PSMD6: variants seen among roughly 807,000 people sequenced by gnomAD.
PSMD6 encodes the protein 26S proteasome non-ATPase regulatory subunit 6.
Under a neutral mutation model 44.9 loss-of-function variants are expected in PSMD6, and 7 were observed. The ratio of observed to expected loss-of-function variants is 0.16; its 90% CI spans 0.09 to 0.29. PSMD6 has a LOEUF of 0.29. PSMD6 is among the 10% of genes least tolerant of loss of function. PSMD6 has a pLI of 1.00. For missense variants in PSMD6, 420 were observed against 482.6 expected, an observed-to-expected ratio of 0.87 and a Z score of 1.21; for synonymous variants, 184 against 172.7, an observed-to-expected ratio of 1.07 and a Z score of -0.51.
intron 2 of PSMD6, 47 bp from the exon 3 acceptor site, chr3:64,019,488 C>CA (rs752445904): frequency 1.2e-5 from 18 of 1,562,850 alleles, no homozygotes; most frequent in African/African-American, 2.8e-5. Flanking sequence ...TACAAGTTTC[C>CA]AAAAAAAGCT....
At chr3:64,015,708 A>G (rs983154450) in intron 5 of PSMD6, 25 of 152,232 alleles carry the variant, frequency 1.6e-4, no homozygotes, top group African/African-American at 5.5e-4. Context: ...TTATCTCTGG[A>G]TAACAGTGCC....
rs763830203 is a variant in PSMD6, at chr3:64,010,663, T to C, written c.*5A>G. The C allele has an allele frequency of 3.2e-6, 5 of 1,558,910 alleles. No individual in the cohort carries two copies. The highest frequency in any genetic ancestry group is 4.4e-6 in the Non-Finnish European group (5 of 1,136,812). On this transcript the variant is annotated 3_prime_UTR_variant, in exon 8 of 8. Coordinates refer to ENST00000295901, the MANE Select transcript of PSMD6 (RefSeq NM_014814.3). ...TAAAGCAAATCCTTTGTTAGTTACA[T>C]GGCTTTACATATTAATTACTCTGGA...
chr3:64,011,815 G>T (rs2280162), intron 6 of PSMD6: 1 of 152,168 alleles, frequency 6.6e-6, no homozygotes, highest in Admixed American at 6.6e-5. Flanking sequence ...CTGAAGAGAC[G>T]TAACCTGACC....
intron 6 of PSMD6, chr3:64,012,633 T>C (rs1312750555): frequency 6.6e-6 from 1 of 152,138 alleles, no homozygotes; most frequent in Non-Finnish European, 1.5e-5. Flanking sequence ...CCTCAAAATC[T>C]CCTACCACTC....
chr3:64,020,198 G>GTT (rs2076108086), intron 2 of PSMD6, among the ~76,000 whole-genome samples: 3 of 152,156 alleles, frequency 2.0e-5, no homozygotes, highest in Non-Finnish European at 2.9e-5. Flanking sequence ...TGTCTTGACG[G>GTT]AGCCTCTGCT....
Position 64,023,333 on chromosome 3 carries a change from G to C in PSMD6, c.87C>G (p.Pro29=), listed in dbSNP as rs368083857. The C allele has an allele frequency of 5.0e-6, 8 of 1,605,400 alleles. No homozygotes were observed. Among genetic ancestry groups the C allele is most frequent in the East Asian group, 2.3e-5 (1 of 44,350 alleles). ...GCACGGCAGCGTCTCCGCGGTGCTC[G>C]GGCAGGCTGAGCAGGAAGCGCAGCT... ...IAQLRFLLSL[P]EHRGDAAVRD... is the part of the protein sequence containing the mutation. Residue 29 remains proline, a synonymous_variant, in exon 1 of 8, where the codon CCC becomes CCG. Transcript: ENST00000295901.
intron 5 of PSMD6, chr3:64,016,342 G>A (rs2076043856): frequency 6.6e-6 from 1 of 151,886 alleles, no homozygotes; most frequent in Admixed American, 6.6e-5. Context: ...ATTTATTTTT[G>A]ATTTCTAAAT....
rs2076089668 is a variant in PSMD6, at chr3:64,018,898, G to A, written c.637C>T (p.Leu213Phe). The part of the protein sequence containing the change: ...DTVSTFTSYE[L>F]MDYKTFVTYT... ...GTCACAAATGTTTTATAATCCATGA[G>A]TTCATAGGATGTAAATGTTGAAACA... Residue 213 changes from leucine (L) to phenylalanine (F), a missense_variant, in exon 4 of 8, where the codon CTC (leucine) becomes TTC (phenylalanine). Leu to Phe is a conservative substitution (Grantham distance 22, BLOSUM62 0). This residue lies in a region of PSMD6 where 216 missense variants were observed against 227.0 expected (regional missense o/e 0.95). Transcript: ENST00000295901. 3 of 1,597,542 alleles carry A rather than the reference G, an allele frequency of 1.9e-6. No individual in the cohort carries two copies. The highest frequency in any genetic ancestry group is 1.7e-6 in the Non-Finnish European group (2 of 1,165,016).
chr3:64,022,616 T>C (rs1382554438), intron 1 of PSMD6, 93 bp from the exon 2 acceptor site: 1 of 1,579,292 alleles, frequency 6.3e-7, no homozygotes, highest in Middle Eastern at 1.7e-4. Context: ...CCGCCACAAG[T>C]CATCCACCAG....
chr3:64,020,540 G>A (rs76847839), intron 2 of PSMD6, among the ~76,000 whole-genome samples: 2 of 152,102 alleles, frequency 1.3e-5, no homozygotes, highest in Non-Finnish European at 1.5e-5. Flanking sequence ...CAAACATACA[G>A]CTTAAAAGTA....
At chr3:64,010,979 A>C (rs1412135412) in intron 6 of PSMD6, 24 bp from the exon 7 acceptor site, 1 of 1,536,612 alleles carries the variant, frequency 6.5e-7, no homozygotes, top group African/African-American at 1.4e-5. Context: ...AAAAAATAAC[A>C]GAATTAGCTT....
intron 6 of PSMD6, chr3:64,012,869 CGTTTTAT>C (rs2075982935): frequency 6.6e-6 from 1 of 152,208 alleles, no homozygotes; most frequent in African/African-American, 2.4e-5. Flanking sequence ...TGTGAAATTA[CGTTTTAT>C]ATTTATTTGC....
At chr3:64,016,673 A>AGAC (rs1182118695) in intron 5 of PSMD6, 2 of 152,212 alleles carry the variant, frequency 1.3e-5, no homozygotes, top group Non-Finnish European at 2.9e-5. Flanking sequence ...ATAATCAAAA[A>AGAC]GACAGAAAAT....
chr3:64,013,767 C>T, intron 5 of PSMD6, 160 bp from the exon 6 acceptor site: 1 of 600,368 alleles, frequency 1.7e-6, no homozygotes, highest in South Asian at 3.1e-5. Flanking sequence ...GCAGCAACAG[C>T]AGTGATAAAG....
chr3:64,011,375 A>T (rs1025234366), intron 6 of PSMD6: 1 of 153,332 alleles, frequency 6.5e-6, no homozygotes, highest in African/African-American at 2.4e-5. Flanking sequence ...TTACTAAAAC[A>T]ACGACCCTTT....
intron 1 of PSMD6, chr3:64,022,728 G>C (rs1475984079): frequency 1.3e-6 from 2 of 1,536,532 alleles, no homozygotes; most frequent in African/African-American, 2.7e-5. Flanking sequence ...GCCAATCCTG[G>C]CAATGCCAAC....
At chr3:64,021,982 G>C (rs1044362220) in intron 2 of PSMD6, among the ~76,000 whole-genome samples, 1 of 152,150 alleles carries the variant, frequency 6.6e-6, no homozygotes, top group East Asian at 1.9e-4. Flanking sequence ...AAAGACACCA[G>C]AACCAGTGCT....
intron 2 of PSMD6, among the ~76,000 whole-genome samples, chr3:64,021,796 A>C (rs541486763): frequency 4.0e-5 from 6 of 150,988 alleles, no homozygotes; most frequent in African/African-American, 9.8e-5. Flanking sequence ...GGGTGGCAAG[A>C]GTGAAACTCC....
At chr3:64,023,654 C>G, upstream of PSMD6, 2 of 1,452,070 alleles carry the variant, frequency 1.4e-6, no homozygotes, top group Non-Finnish European at 1.8e-6. Flanking sequence ...TGCGGAGTCC[C>G]AGAGTGGGTG....
Sources: allele counts gnomAD v4.1 joint callset (sites outside exome capture counted in the v4.1 genomes callset), GRCh38; gene constraint gnomAD v4.1.1; regional missense constraint gnomAD v4.1.1; transcripts MANE v1.5; gene names NCBI Gene and HGNC (gene_info 2026-07-23, HGNC 2026-07-21).